The following MIPOL1 variants were observed in gnomAD, a reference collection of about 807,000 sequenced individuals.
MIPOL1 encodes the protein mirror-image polydactyly 1.
In MIPOL1, 57 loss-of-function variants were observed where a neutral mutation model predicts 60.9. The ratio of observed to expected loss-of-function variants is 0.94; its 90% CI spans 0.76 to 1.17. MIPOL1 has a LOEUF of 1.17. MIPOL1 is among the 50% of genes most tolerant of loss of function. MIPOL1 has a pLI of 0.00. For synonymous variants in MIPOL1, 179 were observed against 168.8 expected (o/e 1.06, Z -0.47); for missense variants, 551 against 511.6 (o/e 1.08, Z -0.74).
chr14:37,436,111 T>C (rs950911105), intron 11 of MIPOL1, among the ~76,000 whole-genome samples: 22 of 152,158 alleles, frequency 1.4e-4, no homozygotes, highest in African/African-American at 5.1e-4. Flanking sequence ...TTTGAAGGTA[T>C]TTTACATGGC....
At chr14:37,443,704 A>G (rs919166120) in intron 11 of MIPOL1, among the ~76,000 whole-genome samples, 3 of 151,450 alleles carry the variant, frequency 2.0e-5, no homozygotes, top group Admixed American at 6.6e-5. Flanking sequence ...TGAGGGCATT[A>G]CAAGAAATGA....
At chr14:37,342,370 G>A (rs528228671) in intron 9 of MIPOL1, among the ~76,000 whole-genome samples, 1 of 151,230 alleles carries the variant, frequency 6.6e-6, no homozygotes, top group South Asian at 2.1e-4. Flanking sequence ...AAAAAAAAAA[G>A]CATGCTAAGA....
At chr14:37,366,962 C>A (rs1033858005) in intron 9 of MIPOL1, among the ~76,000 whole-genome samples, 2 of 151,904 alleles carry the variant, frequency 1.3e-5, no homozygotes, top group Non-Finnish European at 2.9e-5. Context: ...CTGATATAAG[C>A]ATAGCTACTC....
intron 9 of MIPOL1, among the ~76,000 whole-genome samples, chr14:37,315,586 C>T (rs1595090801): frequency 6.6e-6 from 1 of 152,006 alleles, no homozygotes; most frequent in African/African-American, 2.4e-5. Context: ...TGGATTTGGA[C>T]ATAAAGGAGC....
At chr14:37,506,862 AAT>A (rs2095281806) in intron 12 of MIPOL1, 1 of 152,234 alleles carries the variant, frequency 6.6e-6, no homozygotes, top group Admixed American at 6.5e-5. Context: ...ACAATGGGCT[AAT>A]ATCCAGAATG....
intron 7 of MIPOL1, among the ~76,000 whole-genome samples, chr14:37,289,889 T>C (rs1435604657): frequency 5.3e-5 from 8 of 152,096 alleles, no homozygotes; most frequent in African/African-American, 1.9e-4. Context: ...CAGTTAATCA[T>C]TAGCGTACAA....
At chr14:37,552,027 T>C (rs1371184940), downstream of MIPOL1, 4 of 152,074 alleles carry the variant, frequency 2.6e-5, no homozygotes, top group East Asian at 7.7e-4. Flanking sequence ...TTGCATTTGA[T>C]TATTCAATCA....
chr14:37,224,668 A>G (rs1468444722), intron 1 of MIPOL1, among the ~76,000 whole-genome samples: 1 of 152,050 alleles, frequency 6.6e-6, no homozygotes, highest in Non-Finnish European at 1.5e-5. Context: ...ATAATCCAAG[A>G]TGACATTTGG....
intron 1 of MIPOL1, among the ~76,000 whole-genome samples, chr14:37,203,738 A>G (rs1965654620): frequency 6.6e-6 from 1 of 152,182 alleles, no homozygotes; most frequent in Admixed American, 6.5e-5. Flanking sequence ...GGGGACCTCC[A>G]GCCAGTAAGG....
chr14:37,523,423 G>A, intron 12 of MIPOL1: 1 of 363,768 alleles, frequency 2.7e-6, no homozygotes. Flanking sequence ...GTAAATAGAT[G>A]AGTTATAATA....
Position 37,231,051 on chromosome 14 carries a change from G to A in MIPOL1, c.-198-16052G>A, listed in dbSNP as rs1970551192. ...TTATTGGTCTGTCCTTACACTTTGA[G>A]TCAGTACTCTAATGACCAAGAAAAT... is the stretch of plus-strand genomic sequence containing the variant. On this transcript the variant is annotated intron_variant, in intron 1 of 12. Coordinates refer to ENST00000684589, the MANE Select transcript of MIPOL1 (RefSeq NM_001388067.1). 1.3e-5 allele frequency among the ~76,000 whole-genome samples: 2 copies of A among 152,022 alleles called. 1 individual carries two copies. Among genetic ancestry groups the A allele is most frequent in the South Asian group, 4.1e-4 (2 of 4,824 alleles).
chr14:37,368,323 T>G lies in MIPOL1; in HGVS notation c.829-1194T>G, dbSNP rs1235809908. ...TTGCAATCTAAGTCAATATCAGGAGTCTGGTAAGACTTTTTCTTCTAAAAC... is the reference window on the plus strand; with the variant it reads ...TTGCAATCTAAGTCAATATCAGGAGGCTGGTAAGACTTTTTCTTCTAAAAC... On this transcript the variant is annotated intron_variant, in intron 9 of 12. Coordinates refer to ENST00000684589, the MANE Select transcript of MIPOL1 (RefSeq NM_001388067.1). 2.8e-5 allele frequency among the ~76,000 whole-genome samples: 4 copies of G among 145,164 alleles called. No individual in the cohort carries two copies. The East Asian group carries it at 8.2e-4, about 30-fold the overall frequency.
intron 11 of MIPOL1, among the ~76,000 whole-genome samples, chr14:37,432,232 A>G (rs1051704374): frequency 3.3e-5 from 5 of 152,170 alleles, no homozygotes; most frequent in Non-Finnish European, 5.9e-5. Context: ...AATTCCTACC[A>G]TAGTTATTCA....
rs911243419 is a variant in MIPOL1, at chr14:37,248,022, A to G, written c.19+115A>G. 157 of 936,678 alleles carry G rather than the reference A, an allele frequency of 1.7e-4. 1 individual carries two copies. Among genetic ancestry groups the G allele is most frequent in the Admixed American group, 4.3e-4 (19 of 44,534 alleles). 58.0% of individuals were successfully genotyped at this position (936,678 alleles called of 1,614,324 possible). A position where few individuals can be genotyped will look rare whatever the true frequency, so the allele number is the denominator to read the frequency against. ...TAGACAGAGGTAGACAAGTGCGCAC[A>G]CACACACACAAAACATGCACACAGA... On this transcript the variant is annotated intron_variant, in intron 3 of 12. Transcript: ENST00000684589.
At chr14:37,451,333 A>G (rs536762968) in intron 11 of MIPOL1, among the ~76,000 whole-genome samples, 46 of 152,294 alleles carry the variant, frequency 3.0e-4, no homozygotes, top group African/African-American at 1.0e-3. Context: ...AGCTATTGAG[A>G]TGGCCTTATT....
intron 7 of MIPOL1, among the ~76,000 whole-genome samples, chr14:37,297,695 C>A (rs1168641241): frequency 6.6e-6 from 1 of 152,048 alleles, no homozygotes; most frequent in Non-Finnish European, 1.5e-5. Context: ...TGAGTGAACT[C>A]CCATTCACAA....
chr14:37,241,818 A>G (rs1404236313), intron 1 of MIPOL1, among the ~76,000 whole-genome samples: 1 of 152,142 alleles, frequency 6.6e-6, no homozygotes, highest in Non-Finnish European at 1.5e-5. Context: ...CCCTAACTGA[A>G]CTAAGAAATG....
intron 12 of MIPOL1, among the ~76,000 whole-genome samples, chr14:37,518,005 G>A (rs2095383328): frequency 6.6e-6 from 1 of 152,120 alleles, no homozygotes; most frequent in South Asian, 2.1e-4. Flanking sequence ...CCTTAAAAGT[G>A]ACTATAAATA....
intron 12 of MIPOL1, chr14:37,501,855 G>A (rs527259586): frequency 5.3e-5 from 8 of 152,348 alleles, no homozygotes; most frequent in Non-Finnish European, 7.3e-5. Context: ...AAGGGAAGCC[G>A]TGACAGACTG....
Sources: gnomAD v4.1 joint callset for allele counts (sites outside exome capture counted in the v4.1 genomes callset) on GRCh38, gnomAD v4.1.1 for gene constraint, MANE v1.5 for transcripts, NCBI Gene and HGNC (gene_info 2026-07-23, HGNC 2026-07-21) for gene names.